The following SFPQ variants were observed in gnomAD, a reference collection of about 807,000 sequenced individuals.
SFPQ encodes the protein splicing factor proline and glutamine rich.
A neutral mutation model predicts 72.9 loss-of-function variants in SFPQ; 11 were observed. The ratio of observed to expected loss-of-function variants is 0.15; its 90% CI spans 0.09 to 0.25. The LOEUF is 0.25. SFPQ is among the 10% of genes least tolerant of loss of function. The probability of loss-of-function intolerance (pLI) is 1.00; values close to 1 mark genes in which losing one functional copy is unlikely to be tolerated. For synonymous variants in SFPQ, 506 were observed against 367.3 expected (o/e 1.38, Z -4.32); for missense variants, 847 against 993.3 (o/e 0.85, Z 1.98).
rs760293948 is a variant in SFPQ at position 35,192,837 on chromosome 1, C to T, written c.213G>A (p.Gln71=). 2.4e-5 allele frequency: 36 copies of T among 1,521,964 alleles called. No homozygotes were observed. Among genetic ancestry groups the T allele is most frequent in the Non-Finnish European group, 2.9e-5 (33 of 1,142,544 alleles). The allele number at this position is 1,521,964 out of a possible 1,614,324, so 94.3% of individuals were successfully genotyped here. A position where few individuals can be genotyped will look rare whatever the true frequency, so the allele number is the denominator to read the frequency against. ...GCGGCGGTGGCTGCTGCGGTGGTGG[C>T]TGTTGCTGCTGTTGGTGTGGAGGCG... The part of the protein sequence containing the change: ...PPPPPHQQQQ[Q]PPPQQPPPQQ... The change falls in exon 1 of 10, where the codon CAG becomes CAA. Residue 71 remains glutamine, a synonymous_variant. Transcript: ENST00000357214.
In SFPQ at chr1:35,192,898, G is replaced by C. The variant is rs778265440; in HGVS notation, c.152C>G (p.Pro51Arg). 1.3e-6 allele frequency: 2 copies of C among 1,555,950 alleles called. No individual in the cohort carries two copies. Among genetic ancestry groups the C allele is most frequent in the Non-Finnish European group, 1.7e-6 (2 of 1,160,358 alleles). The change falls in exon 1 of 10, where the codon CCG (proline) becomes CGG (arginine). Residue 51 changes from proline to arginine, a missense_variant. By Grantham distance (103) the Pro-to-Arg change is moderately radical. This residue lies in a region of SFPQ where 498 missense variants were observed against 405.1 expected (regional missense o/e 1.23). Coordinates refer to ENST00000357214, the MANE Select transcript of SFPQ (RefSeq NM_005066.3). ...CGGAGGCTTAGGGCCGCTCTGGCCCGGGCCAGGACCCATGGGGCCGCGATT... is the reference window on the plus strand; with the variant it reads ...CGGAGGCTTAGGGCCGCTCTGGCCCCGGCCAGGACCCATGGGGCCGCGATT... ...NQNRGPMGPG[P>R]GQSGPKPPIP... is the part of the protein sequence containing the mutation.
rs750501228 is a variant in SFPQ, at chr1:35,191,372, T to C, written c.986A>G (p.Asn329Ser). 1 of 1,614,108 alleles carries C rather than the reference T, an allele frequency of 6.2e-7. No homozygotes were observed. Reference protein sequence around the residue: ...KYGEPGEVFINKGKGFGFIKL... With the variant: ...KYGEPGEVFISKGKGFGFIKL... ...AATAAATCCGAATCCTTTGCCTTTGTTGATAAAAACTTCTCCTGGTTCTCC... is the reference window on the plus strand; with the variant it reads ...AATAAATCCGAATCCTTTGCCTTTGCTGATAAAAACTTCTCCTGGTTCTCC... The change falls in exon 2 of 10, where the codon AAC becomes AGC. Residue 329 changes from asparagine to serine, a missense_variant. Transcript: ENST00000357214.
chr1:35,181,262 G>C, downstream of SFPQ: 1 of 1,065,772 alleles, frequency 9.4e-7, no homozygotes, highest in Non-Finnish European at 1.1e-6. Flanking sequence ...GCTAAATGCA[G>C]TTATGTAGCA....
chr1:35,192,695 G>A lies in SFPQ; in HGVS notation c.355C>T (p.Pro119Ser), dbSNP rs747935402. 53 of 1,441,854 alleles carry A rather than the reference G, an allele frequency of 3.7e-5. No individual in the cohort carries two copies. Among genetic ancestry groups the A allele is most frequent in the African/African-American group, 4.4e-5 (3 of 67,566 alleles). The allele number at this position is 1,441,854 out of a possible 1,614,324, so 89.3% of individuals were successfully genotyped here. ...GCTGGTGGTGCGCTGCCTACTCCGG[G>A]AGCGGGGCCGGGTCCCTGAGCAACG... ...PVVAQGPGPA[P>S]GVGSAPPASS... Residue 119 changes from proline to serine, a missense_variant, in exon 1 of 10, where the codon CCC (proline) becomes TCC (serine). Pro to Ser is a moderately conservative substitution (Grantham distance 74). This residue lies in a region of SFPQ where 498 missense variants were observed against 405.1 expected (regional missense o/e 1.23). Coordinates refer to ENST00000357214, the MANE Select transcript of SFPQ (RefSeq NM_005066.3).
rs1423053254 is a variant in SFPQ, at chr1:35,192,250, C to A, written c.800G>T (p.Arg267Leu). Residue 267 changes from arginine (R) to leucine (L), a missense_variant, in exon 1 of 10, where the codon CGC becomes CTC. Around this residue, in one of 6 missense-constraint regions of SFPQ, gnomAD observed 498 missense variants for 405.1 expected, o/e 1.23. Coordinates refer to ENST00000357214, the MANE Select transcript of SFPQ (RefSeq NM_005066.3). ...QGPPPGGPGG[R>L]SEEKISDSEG... ...CGAGTCCGAGATCTTCTCCTCGCTG[C>A]GGCCGCCGGGCCCGCCGGGCGGGGG... 6.8e-7 allele frequency: 1 copy of A among 1,462,788 alleles called. No homozygotes were observed. Among genetic ancestry groups the A allele is most frequent in the Non-Finnish European group, 9.0e-7 (1 of 1,114,838 alleles). 90.6% of individuals were successfully genotyped at this position (1,462,788 alleles called of 1,614,324 possible).
chr1:35,191,251 C>G (rs1233624203), intron 2 of SFPQ, 90 bp downstream of exon 2: 3 of 1,081,584 alleles, frequency 2.8e-6, no homozygotes, highest in Non-Finnish European at 4.1e-6. Context: ...TTATCCTCCC[C>G]AGTTTAAAAA....
rs995433689 is a variant in SFPQ, at chr1:35,192,498, C to G, written c.552G>C (p.Pro184=). ...CCGGGACTGCCGCGGGCGGAGGCGG[C>G]GGGCCTCCGGCCTGAGGAGGTGTGG... is the stretch of plus-strand genomic sequence containing the variant. ...VPTTPPQAGG[P]PPPPAAVPGP... The change falls in exon 1 of 10, where the codon CCG becomes CCC. Residue 184 remains proline (P), a synonymous_variant. Transcript: ENST00000357214. The G allele has an allele frequency of 7.5e-7, 1 of 1,325,662 alleles. No homozygotes were observed. The allele number at this position is 1,325,662 out of a possible 1,614,324, so 82.1% of individuals were successfully genotyped here.
At position 35,190,694 on chromosome 1, in the gene SFPQ, G is replaced by A; in HGVS notation, c.1319C>T (p.Thr440Ile). ...RCSEGVFLLT[T>I]TPRPVIVEPL... is the part of the protein sequence containing the mutation. ...TATTAGAATAAACAAGACAACTTAC[G>A]TCGTCAGTAAGAAAACACCTTCACT... The change falls in exon 3 of 10, where the codon ACA (threonine) becomes ATA (isoleucine). Residue 440 changes from threonine (T) to isoleucine (I), a missense_variant and splice_region_variant. By Grantham distance (89) the Thr-to-Ile change is moderately conservative. Transcript: ENST00000357214. 1 of 1,612,896 alleles carries A rather than the reference G, an allele frequency of 6.2e-7. No individual in the cohort carries two copies.
downstream of SFPQ, chr1:35,182,324 T>G (rs1021895917): frequency 3.0e-6 from 3 of 985,292 alleles, no homozygotes; most frequent in African/African-American, 1.7e-5. Flanking sequence ...AAATCTCTTA[T>G]GTATCACCAA....
At chr1:35,178,917 T>C (rs1448642967), downstream of SFPQ, 1 of 1,051,076 alleles carries the variant, frequency 9.5e-7, no homozygotes, top group Admixed American at 5.5e-5. Context: ...TTTTCAGCAC[T>C]GGTGTTCAAA....
chr1:35,192,624 CG>C lies in SFPQ; in HGVS notation c.425del (p.Pro142ArgfsTer83). 7.3e-7 allele frequency: 1 copy of C among 1,370,086 alleles called. No homozygotes were observed. Among genetic ancestry groups the C allele is most frequent in the Admixed American group, 3.9e-5 (1 of 25,720 alleles). The allele number at this position is 1,370,086 out of a possible 1,614,324, so 84.9% of individuals were successfully genotyped here. A position where few individuals can be genotyped will look rare whatever the true frequency, so the allele number is the denominator to read the frequency against. ...PPATPPTSGA[P>X]PGSGPGPTPT... Reference sequence around the variant, plus strand: ...GAGTCGGGCCTGGCCCGGACCCTGGCGGGGCCCCCGAGGTTGGTGGAGTGGC... The same window carrying C: ...GAGTCGGGCCTGGCCCGGACCCTGGCGGGCCCCCGAGGTTGGTGGAGTGGC... On this transcript the variant is annotated frameshift_variant, in exon 1 of 10. Coordinates refer to ENST00000357214, the MANE Select transcript of SFPQ (RefSeq NM_005066.3). LOFTEE classifies it high-confidence loss of function.
chr1:35,187,175 A>G lies in SFPQ; in HGVS notation c.1864+28T>C, dbSNP rs370511688. ...TCCACCAGGATACTACTCTCTACTT[A>G]TATCATTAATTTAAATTTCACACTT... On this transcript the variant is annotated intron_variant, in intron 8 of 9. Coordinates refer to ENST00000357214, the MANE Select transcript of SFPQ (RefSeq NM_005066.3). The G allele has an allele frequency of 9.3e-6, 15 of 1,613,870 alleles. No homozygotes were observed. The African/African-American group carries it at 1.2e-4, about 13-fold the overall frequency.
intron 1 of SFPQ, among the ~76,000 whole-genome samples, 190 bp downstream of exon 1, chr1:35,192,032 G>A (rs1051449861): frequency 1.3e-5 from 2 of 151,792 alleles, no homozygotes; most frequent in Non-Finnish European, 2.9e-5. Context: ...CGCCCGCCGG[G>A]AGAGCAAGGC....
Position 35,192,818 on chromosome 1 carries a change from G to A in SFPQ, c.232C>T (p.Pro78Ser). ...QQQQPPPQQPPPQQPPPHQPP... is the reference protein window; with the variant it reads ...QQQQPPPQQPSPQQPPPHQPP... Reference sequence around the variant, plus strand: ...TGATGCGGTGGCGGCTGCTGCGGCGGTGGCTGCTGCGGTGGTGGCTGTTGC... The same window carrying A: ...TGATGCGGTGGCGGCTGCTGCGGCGATGGCTGCTGCGGTGGTGGCTGTTGC... Residue 78 changes from proline to serine, a missense_variant, in exon 1 of 10, where the codon CCG becomes TCG. Physicochemically the swap from Pro to Ser is moderately conservative, Grantham distance 74. Around this residue, in one of 6 missense-constraint regions of SFPQ, gnomAD observed 498 missense variants for 405.1 expected, o/e 1.23. Transcript: ENST00000357214. 6.6e-7 allele frequency: 1 copy of A among 1,508,656 alleles called. No homozygotes were observed. The highest frequency in any genetic ancestry group is 1.4e-5 in the African/African-American group (1 of 69,656). 93.5% of individuals were successfully genotyped at this position (1,508,656 alleles called of 1,614,324 possible). A position where few individuals can be genotyped will look rare whatever the true frequency, so the allele number is the denominator to read the frequency against.
chr1:35,178,105 C>T, downstream of SFPQ: 1 of 1,181,652 alleles, frequency 8.5e-7, no homozygotes, highest in Non-Finnish European at 1.1e-6. Context: ...AAATGCTAGT[C>T]AACTTCAAAA....
downstream of SFPQ, chr1:35,180,259 A>C: frequency 1.9e-6 from 2 of 1,050,234 alleles, no homozygotes; most frequent in Non-Finnish European, 2.3e-6. Flanking sequence ...AAGAAGTTGA[A>C]GTGAGGTCTG....
At chr1:35,186,978 C>G (rs777479382) in intron 9 of SFPQ, 23 bp downstream of exon 9, 1 of 1,598,430 alleles carries the variant, frequency 6.3e-7, no homozygotes, top group African/African-American at 1.3e-5. Flanking sequence ...TTCCTTGGTA[C>G]TACGTCCCAC....
chr1:35,193,135 A>C lies in SFPQ; in HGVS notation c.-86T>G, dbSNP rs987029028. The C allele has an allele frequency of 6.1e-6, 9 of 1,480,126 alleles. No homozygotes were observed. The highest frequency in any genetic ancestry group is 2.3e-5 in the Admixed American group (1 of 42,632). The allele number at this position is 1,480,126 out of a possible 1,614,324, so 91.7% of individuals were successfully genotyped here. On this transcript the variant is annotated 5_prime_UTR_variant, in exon 1 of 10. Transcript: ENST00000357214. ...CACCTTGCTTCTCACAAAATGGCGGATGACACAGGCGGCGCGCCGCCTTTG... is the reference window on the plus strand; with the variant it reads ...CACCTTGCTTCTCACAAAATGGCGGCTGACACAGGCGGCGCGCCGCCTTTG...
chr1:35,191,050 T>A, intron 2 of SFPQ, 55 bp from the exon 3 acceptor site: 1 of 1,462,720 alleles, frequency 6.8e-7, no homozygotes, highest in Non-Finnish European at 9.4e-7. Context: ...ATGTCTACTC[T>A]TAAATTGTCA....
Sources: allele counts gnomAD v4.1 joint callset (sites outside exome capture counted in the v4.1 genomes callset), GRCh38; gene constraint gnomAD v4.1.1; regional missense constraint gnomAD v4.1.1; transcripts MANE v1.5; gene names NCBI Gene and HGNC (gene_info 2026-07-23, HGNC 2026-07-21).